The following MED23 variants were observed in gnomAD, a reference collection of about 807,000 sequenced individuals.
MED23 encodes mediator complex subunit 23.
In MED23, 105 loss-of-function variants were observed where a neutral mutation model predicts 163.9. The ratio of observed to expected loss-of-function variants is 0.64; its 90% CI spans 0.55 to 0.75. The LOEUF is 0.75. Among genes scored for constraint, MED23 ranks in the 30% least tolerant of loss-of-function variants. The pLI, the probability that MED23 is intolerant of heterozygous loss-of-function variation, is 0.00. For missense variants in MED23, 1,054 were observed against 1,649.0 expected, an observed-to-expected ratio of 0.64 and a Z score of 6.25; for synonymous variants, 561 against 565.6, an observed-to-expected ratio of 0.99 and a Z score of 0.12.
At position 131,624,890 on chromosome 6, in the gene MED23, C is replaced by T. The variant is rs1240644437; in HGVS notation, c.259G>A (p.Val87Ile). The change falls in exon 4 of 29, where the codon GTT (valine) becomes ATT (isoleucine). Residue 87 changes from valine (V) to isoleucine (I), a missense_variant. Physicochemically the swap from Val to Ile is conservative, Grantham distance 29. Around this residue, in one of 11 missense-constraint regions of MED23, gnomAD observed 227 missense variants for 235.5 expected, o/e 0.96. Transcript: ENST00000368068. ...CTGGGTGGAAGGAGACCAGTCTCAA[C>T]TGCCATTGCTAAGCAGTCATAAAGA... ...SFLYDCLAMAVETGLLPPRLV... is the reference protein window; with the variant it reads ...SFLYDCLAMAIETGLLPPRLV... 1.2e-6 allele frequency: 2 copies of T among 1,613,940 alleles called. No individual in the cohort carries two copies. The highest frequency in any genetic ancestry group is 3.3e-5 in the Admixed American group (2 of 60,024).
chr6:131,580,011 G>C (rs776606425), intron 30 of MED23, among the ~76,000 whole-genome samples: 1 of 152,040 alleles, frequency 6.6e-6, no homozygotes, highest in African/African-American at 2.4e-5. Flanking sequence ...CGCTATATAC[G>C]TACATATTGC....
At chr6:131,582,660 A>G (rs949681378), downstream of MED23, 10 of 1,613,772 alleles carry the variant, frequency 6.2e-6, no homozygotes, top group Non-Finnish European at 7.6e-6. Context: ...GACTCCCTGT[A>G]TATCTGCCAA....
At position 131,621,959 on chromosome 6, in the gene MED23, T is replaced by C. The variant is rs1162693269; in HGVS notation, c.417A>G (p.Lys139=). The C allele has an allele frequency of 8.1e-6, 13 of 1,613,322 alleles. No individual in the cohort carries two copies. The highest frequency in any genetic ancestry group is 1.1e-5 in the Non-Finnish European group (13 of 1,179,332). The change falls in exon 6 of 29, where the codon AAA becomes AAG. Residue 139 remains lysine (K), a synonymous_variant. Transcript: ENST00000368068. ...VDYKGVRDLL[K]VILEKILTIP... ...TTGTCAAAATCTTCTCCAAAATCAC[T>C]TTTAAGAGATCTCGAACACCCTGAT...
At chr6:131,614,755 T>TAA (rs1298063338) in intron 10 of MED23, among the ~76,000 whole-genome samples, 1 of 152,218 alleles carries the variant, frequency 6.6e-6, no homozygotes, top group Non-Finnish European at 1.5e-5. Context: ...CTTTCCTGTA[T>TAA]AAAGTTTACC....
At chr6:131,628,310 C>T (rs1398823876), upstream of MED23, 3 of 533,682 alleles carry the variant, frequency 5.6e-6, no homozygotes, top group Non-Finnish European at 1.0e-5. Context: ...AAGGTTCCGT[C>T]TGTGGAGAAG....
At chr6:131,583,465 A>G, downstream of MED23, 1 of 1,614,148 alleles carries the variant, frequency 6.2e-7, no homozygotes, top group Non-Finnish European at 8.5e-7. Flanking sequence ...GAAGGTCTCT[A>G]CATCACAGAA....
chr6:131,576,501 C>A lies in MED23; in HGVS notation c.4096-2206G>T, dbSNP rs976910251. The stretch of plus-strand genomic sequence containing the variant: ...TTTGGCATAAAAGTCATTCAGTCTA[C>A]CTTGCTGTGAAGATTAAAAGAGATG... On this transcript the variant is annotated intron_variant, in intron 30 of 30. Transcript: ENST00000354577. The A allele has an allele frequency of 3.9e-5, 27 of 687,362 alleles. No homozygotes were observed. The Admixed American group carries it at 5.7e-4, about 14-fold the overall frequency. 42.6% of individuals were successfully genotyped at this position (687,362 alleles called of 1,614,324 possible). A position where few individuals can be genotyped will look rare whatever the true frequency, so the allele number is the denominator to read the frequency against.
Position 131,598,441 on chromosome 6 carries a change from G to A in MED23, c.2453C>T (p.Ala818Val). 6.2e-7 allele frequency: 1 copy of A among 1,614,132 alleles called. No homozygotes were observed. The highest frequency in any genetic ancestry group is 8.5e-7 in the Non-Finnish European group (1 of 1,180,026). The change falls in exon 20 of 29, where the codon GCC becomes GTC. Residue 818 changes from alanine (A) to valine (V), a missense_variant. Around this residue, in one of 11 missense-constraint regions of MED23, gnomAD observed 228 missense variants for 461.3 expected, o/e 0.49. Coordinates refer to ENST00000368068, the MANE Select transcript of MED23 (RefSeq NM_004830.4). This position sits in a 1 kb window ranked among gnomAD's most constrained non-coding sequence, Gnocchi z 4.7. ...AAATGTCCTCACATGGGCTACCAAGGCCCTGGCTCCAATTCTCTCTAATAC... is the reference window on the plus strand; with the variant it reads ...AAATGTCCTCACATGGGCTACCAAGACCCTGGCTCCAATTCTCTCTAATAC... ...YRVLERIGAR[A>V]LVAHVRTFAD... is the part of the protein sequence containing the mutation.
chr6:131,587,510 G>A lies in MED23; in HGVS notation c.*169C>T. 2 of 1,455,592 alleles carry A rather than the reference G, an allele frequency of 1.4e-6. 1 individual carries two copies. The highest frequency in any genetic ancestry group is 2.8e-5 in the South Asian group (2 of 70,404). 90.2% of individuals were successfully genotyped at this position (1,455,592 alleles called of 1,614,324 possible). On this transcript the variant is annotated 3_prime_UTR_variant, in exon 29 of 29. Transcript: ENST00000368068. ...AGACAAAAATATAGATAGGGAGATG[G>A]GAGTTATAAGGTGTCAACAGATTCA...
chr6:131,600,507 A>G (rs951611753), intron 17 of MED23, among the ~76,000 whole-genome samples: 7 of 152,384 alleles, frequency 4.6e-5, no homozygotes, highest in African/African-American at 1.7e-4. Flanking sequence ...CCAAGGGAAC[A>G]GAATAAAGAA....
At chr6:131,591,266 C>T (rs1315790498) in intron 26 of MED23, 47 bp downstream of exon 26, 20 of 1,460,022 alleles carry the variant, frequency 1.4e-5, no homozygotes, top group Non-Finnish European at 1.4e-5. Flanking sequence ...GCATGAACCA[C>T]CGCACCCAGC....
chr6:131,584,816 T>TACAC (rs59196638), downstream of MED23, among the ~76,000 whole-genome samples: 8,563 of 134,060 alleles, frequency 0.064, 292 homozygotes, highest in Middle Eastern at 0.11. Flanking sequence ...CTACAAAAAA[T>TACAC]ACACACACAC....
downstream of MED23, chr6:131,582,773 T>C: frequency 6.9e-7 from 1 of 1,444,292 alleles, no homozygotes; most frequent in Admixed American, 1.7e-5. Flanking sequence ...GTGCTAGATA[T>C]GCTTTACTGA....
Position 131,602,254 on chromosome 6 carries a change from A to G in MED23, c.2059T>C (p.Leu687=). 1 of 1,613,930 alleles carries G rather than the reference A, an allele frequency of 6.2e-7. No homozygotes were observed. The highest frequency in any genetic ancestry group is 8.5e-7 in the Non-Finnish European group (1 of 1,179,844). Residue 687 remains leucine (L), a synonymous_variant, in exon 17 of 29, where the codon TTG becomes CTG. Transcript: ENST00000368068. Reference sequence around the variant, plus strand: ...GTTGCTCTAGCCAAGGTCAATATCAAGGCTCGGTTCAGTTCTTCAGATTCT... The same window carrying G: ...GTTGCTCTAGCCAAGGTCAATATCAGGGCTCGGTTCAGTTCTTCAGATTCT... ...SAESEELNRA[L]ILTLARATHV... is the part of the protein sequence containing the mutation.
intron 30 of MED23, chr6:131,576,835 C>A: frequency 9.3e-7 from 1 of 1,073,022 alleles, no homozygotes; most frequent in Non-Finnish European, 1.4e-6. Flanking sequence ...ATATTTACAT[C>A]AGAATTGCGG....
At chr6:131,624,150 T>C (rs1291575995) in intron 4 of MED23, among the ~76,000 whole-genome samples, 1 of 152,148 alleles carries the variant, frequency 6.6e-6, no homozygotes, top group Non-Finnish European at 1.5e-5. Flanking sequence ...TCCCACATCT[T>C]CTTCTGAAAT....
downstream of MED23, chr6:131,583,963 T>A (rs1020469542): frequency 8.8e-6 from 14 of 1,586,938 alleles, no homozygotes; most frequent in South Asian, 1.1e-4. Flanking sequence ...AGAAAGCTAA[T>A]CATTTTCTTA....
Position 131,602,260 on chromosome 6 carries a change from G to T in MED23, c.2053C>A (p.Arg685=), listed in dbSNP as rs200807237. Residue 685 remains arginine (R), a synonymous_variant, in exon 17 of 29, where the codon CGA becomes AGA. Coordinates refer to ENST00000368068, the MANE Select transcript of MED23 (RefSeq NM_004830.4). ...VLSAESEELN[R]ALILTLARAT... ...CTAGCCAAGGTCAATATCAAGGCTC[G>T]GTTCAGTTCTTCAGATTCTGCTGAG... The T allele has an allele frequency of 1.2e-6, 2 of 1,613,872 alleles. No individual in the cohort carries two copies. Among genetic ancestry groups the T allele is most frequent in the Non-Finnish European group, 1.7e-6 (2 of 1,179,840 alleles).
In MED23 at chr6:131,591,487, ACACT is replaced by A. The variant is rs1562370843; in HGVS notation, c.3508_3511del (p.Val1171SerfsTer6). 17 of 1,613,782 alleles carry A rather than the reference ACACT, an allele frequency of 1.1e-5. No homozygotes were observed. The highest frequency in any genetic ancestry group is 1.4e-5 in the Non-Finnish European group (17 of 1,179,850). ...AGACGTCAAGCTGGGGCTGCTGATGACACTCACAATTCGATCATGAAGAACAATC... is the reference window on the plus strand; with the variant it reads ...AGACGTCAAGCTGGGGCTGCTGATGACACAATTCGATCATGAAGAACAATC... On this transcript the variant is annotated frameshift_variant, in exon 26 of 29. Coordinates refer to ENST00000368068, the MANE Select transcript of MED23 (RefSeq NM_004830.4). LOFTEE classifies it high-confidence loss of function.
Sources: allele counts gnomAD v4.1 joint callset (sites outside exome capture counted in the v4.1 genomes callset), GRCh38; gene constraint gnomAD v4.1.1; regional missense constraint gnomAD v4.1.1; non-coding constraint Gnocchi (gnomAD v3.1); transcripts MANE v1.5; gene names NCBI Gene and HGNC (gene_info 2026-07-23, HGNC 2026-07-21).